PAIP1: variants seen among roughly 807,000 people sequenced by gnomAD.
The protein encoded by PAIP1 is polyadenylate-binding protein-interacting protein 1.
Under a neutral mutation model 61.3 loss-of-function variants are expected in PAIP1, and 16 were observed. The observed-to-expected ratio is 0.26, with a 90% CI of 0.18 to 0.40. The LOEUF (loss-of-function observed/expected upper bound fraction) is 0.40. Ranked by LOEUF, PAIP1 falls within the 10% of genes least tolerant of loss-of-function variation. The probability of loss-of-function intolerance (pLI) is 1.00; values close to 1 mark genes in which losing one functional copy is unlikely to be tolerated. For missense variants in PAIP1, 416 were observed against 600.9 expected, an observed-to-expected ratio of 0.69 and a Z score of 3.22; for synonymous variants, 187 against 226.2, an observed-to-expected ratio of 0.83 and a Z score of 1.56.
chr5:43,541,814 A>G (rs1366332024), intron 4 of PAIP1, among the ~76,000 whole-genome samples: 2 of 151,846 alleles, frequency 1.3e-5, no homozygotes, highest in African/African-American at 4.8e-5. Context: ...AATATCTAAC[A>G]TACTAGCAAG....
chr5:43,549,611 A>G (rs1284056292), intron 2 of PAIP1, among the ~76,000 whole-genome samples: 1 of 151,844 alleles, frequency 6.6e-6, no homozygotes, highest in South Asian at 2.1e-4. Flanking sequence ...TTTTCTTCCC[A>G]GTCTCGGGTA....
intron 9 of PAIP1, among the ~76,000 whole-genome samples, chr5:43,531,912 GAAGT>G (rs1313760505): frequency 2.6e-5 from 4 of 151,976 alleles, no homozygotes; most frequent in African/African-American, 9.7e-5. Flanking sequence ...ATATAAGACA[GAAGT>G]AAGCATGTTT....
chr5:43,528,020 A>AG (rs1746775558), intron 10 of PAIP1, among the ~76,000 whole-genome samples: 1 of 152,180 alleles, frequency 6.6e-6, no homozygotes, highest in Non-Finnish European at 1.5e-5. Context: ...CATCTATTCC[A>AG]GATTTTTTTC....
Position 43,536,943 on chromosome 5 carries a change from A to C in PAIP1, c.848T>G (p.Ile283Ser). The C allele has an allele frequency of 6.4e-7, 1 of 1,566,230 alleles. No homozygotes were observed. The change falls in exon 6 of 11, where the codon ATC becomes AGC. Residue 283 changes from isoleucine to serine, a missense_variant and splice_region_variant. By Grantham distance (142) the Ile-to-Ser change is moderately radical (BLOSUM62 -2). Around this residue, in one of 4 missense-constraint regions of PAIP1, gnomAD observed 135 missense variants for 283.9 expected, o/e 0.48. Coordinates refer to ENST00000306846, the MANE Select transcript of PAIP1 (RefSeq NM_006451.5). ...FLGELYLNLEIKGTNGQVTRA... is the reference protein window; with the variant it reads ...FLGELYLNLESKGTNGQVTRA... ...TGTAACCTGTCCATTTGTTCCCTTGATCTTTCGGGACCAAAAAAAAGAACA... is the reference window on the plus strand; with the variant it reads ...TGTAACCTGTCCATTTGTTCCCTTGCTCTTTCGGGACCAAAAAAAAGAACA...
At chr5:43,554,348 C>A (rs1370728727) in intron 2 of PAIP1, among the ~76,000 whole-genome samples, 2 of 152,296 alleles carry the variant, frequency 1.3e-5, no homozygotes, top group Admixed American at 1.3e-4. Context: ...TCTAATGGTT[C>A]TTTTCCTCTG....
intron 3 of PAIP1, among the ~76,000 whole-genome samples, chr5:43,546,766 T>C (rs554248984): frequency 5.3e-5 from 8 of 152,044 alleles, no homozygotes; most frequent in Non-Finnish European, 1.2e-4. Flanking sequence ...TGAGGCCAGG[T>C]GCAGCGGCTC....
In PAIP1 at chr5:43,527,580, G is replaced by A. The variant is rs1746756707; in HGVS notation, c.1347-111C>T. 3.6e-6 allele frequency: 3 copies of A among 835,628 alleles called. No individual in the cohort carries two copies. In the East Asian group the frequency reaches 9.0e-5, roughly 25 times the overall value. 51.8% of individuals were successfully genotyped at this position (835,628 alleles called of 1,614,324 possible). A position where few individuals can be genotyped will look rare whatever the true frequency, so the allele number is the denominator to read the frequency against. ...AACTTTCCTAGACTGACTTATAATA[G>A]AACACAAGCCTAACTTTAGAATTAC... On this transcript the variant is annotated intron_variant, in intron 10 of 10. Coordinates refer to ENST00000306846, the MANE Select transcript of PAIP1 (RefSeq NM_006451.5).
At chr5:43,553,064 T>A (rs1747926529) in intron 2 of PAIP1, among the ~76,000 whole-genome samples, 2 of 32,888 alleles carry the variant, frequency 6.1e-5, no homozygotes, top group Admixed American at 4.0e-4. Context: ...AAAAAGCTCG[T>A]TTTTTTGCAG....
chr5:43,549,027 G>A (rs1243986851), intron 2 of PAIP1, among the ~76,000 whole-genome samples: 1 of 152,128 alleles, frequency 6.6e-6, no homozygotes, highest in Non-Finnish European at 1.5e-5. Flanking sequence ...TGCAACCTCC[G>A]CCTCCCGGGT....
chr5:43,539,101 C>A (rs1747285909), intron 4 of PAIP1, 66 bp from the exon 5 acceptor site: 1 of 1,050,940 alleles, frequency 9.5e-7, no homozygotes, highest in South Asian at 1.3e-5. Context: ...AACAAAATAA[C>A]CATTTGTCAG....
At chr5:43,547,042 CAAAAAAAAAAAAA>C (rs766493987) in intron 3 of PAIP1, among the ~76,000 whole-genome samples, 5 of 35,664 alleles carry the variant, frequency 1.4e-4, no homozygotes, top group African/African-American at 5.5e-4. Context: ...GACTCCATAT[CAAAAAAAAAAAAA>C]AAAAAAAAAA....
intron 4 of PAIP1, among the ~76,000 whole-genome samples, chr5:43,540,165 A>G (rs1012620218): frequency 2.0e-5 from 3 of 152,356 alleles, no homozygotes; most frequent in Admixed American, 1.3e-4. Flanking sequence ...TTTACGAGGT[A>G]TATTAACTGA....
intron 4 of PAIP1, among the ~76,000 whole-genome samples, chr5:43,541,527 T>C (rs1747410459): frequency 1.3e-5 from 2 of 150,160 alleles, no homozygotes; most frequent in African/African-American, 4.9e-5. Context: ...CTCATCTTTT[T>C]TTCCCAAATG....
In PAIP1 at chr5:43,543,712, A is replaced by G. The variant is rs530773501; in HGVS notation, c.622-596T>C. 3.4e-4 allele frequency among the ~76,000 whole-genome samples: 52 copies of G among 152,238 alleles called. 1 individual carries two copies. The highest frequency in any genetic ancestry group is 1.2e-3 in the African/African-American group (50 of 41,550). ...CTACTTAAAAACAGAAAAAAAAAAA[A>G]GTAAGAAAACACTACACATCAAAGA... On this transcript the variant is annotated intron_variant, in intron 3 of 10. Transcript: ENST00000306846.
At chr5:43,552,139 C>G (rs575321294) in intron 2 of PAIP1, among the ~76,000 whole-genome samples, 2 of 152,112 alleles carry the variant, frequency 1.3e-5, no homozygotes, top group East Asian at 3.9e-4. Context: ...TATTACAGAA[C>G]CGTGGGAATA....
intron 6 of PAIP1, among the ~76,000 whole-genome samples, chr5:43,536,409 C>A (rs1023174806): frequency 6.6e-5 from 10 of 152,052 alleles, no homozygotes; most frequent in Non-Finnish European, 1.5e-4. Context: ...AATGGATAAA[C>A]AATGCATATG....
At chr5:43,548,505 T>G (rs894086832) in intron 2 of PAIP1, among the ~76,000 whole-genome samples, 1 of 152,192 alleles carries the variant, frequency 6.6e-6, no homozygotes, top group Non-Finnish European at 1.5e-5. Context: ...ACGGTATAAA[T>G]GGAAGGAGAC....
intron 3 of PAIP1, among the ~76,000 whole-genome samples, chr5:43,543,320 A>G (rs1349247783): frequency 6.6e-6 from 1 of 151,620 alleles, no homozygotes; most frequent in Non-Finnish European, 1.5e-5. Context: ...CAAAAAAAAA[A>G]AAAAAAAGAA....
At chr5:43,530,881 C>T (rs1746903470) in intron 9 of PAIP1, among the ~76,000 whole-genome samples, 1 of 152,020 alleles carries the variant, frequency 6.6e-6, no homozygotes, top group Non-Finnish European at 1.5e-5. Context: ...GATTTTAAAA[C>T]CCACAGAAAG....
Sources: allele counts gnomAD v4.1 joint callset (sites outside exome capture counted in the v4.1 genomes callset), GRCh38; gene constraint gnomAD v4.1.1; regional missense constraint gnomAD v4.1.1; transcripts MANE v1.5; gene names NCBI Gene and HGNC (gene_info 2026-07-23, HGNC 2026-07-21).